The following CCDC6 variants were observed in gnomAD, a reference collection of about 807,000 sequenced individuals.
CCDC6 encodes coiled-coil domain-containing protein 6.
In CCDC6, 20 loss-of-function variants were observed where a neutral mutation model predicts 56.6. That is an observed-to-expected ratio of 0.35 (90% CI 0.25 to 0.51). CCDC6 has a LOEUF of 0.51. CCDC6 is among the 20% of genes least tolerant of loss of function. CCDC6 has a pLI of 0.95. For missense variants in CCDC6, 367 were observed against 601.1 expected (o/e 0.61, Z 4.07); for synonymous variants, 241 against 234.4 (o/e 1.03, Z -0.26).
At chr10:59,845,877 T>C (rs959726963) in intron 2 of CCDC6, among the ~76,000 whole-genome samples, 2 of 152,228 alleles carry the variant, frequency 1.3e-5, no homozygotes, top group African/African-American at 4.8e-5. Flanking sequence ...TTCATCTGAA[T>C]GGATGCAATG....
chr10:59,875,500 T>C (rs935075724), intron 1 of CCDC6, among the ~76,000 whole-genome samples: 3 of 152,198 alleles, frequency 2.0e-5, no homozygotes, highest in African/African-American at 7.2e-5. Flanking sequence ...AGACCTTTTT[T>C]ATGTTTCTAT....
intron 5 of CCDC6, among the ~76,000 whole-genome samples, chr10:59,808,193 C>A (rs914599814): frequency 2.0e-5 from 3 of 152,140 alleles, no homozygotes; most frequent in Non-Finnish European, 4.4e-5. Flanking sequence ...CTGACTAGCC[C>A]TGGCACTAGC....
chr10:59,794,338 T>C (rs1284617205), intron 8 of CCDC6, 135 bp downstream of exon 8: 4 of 833,196 alleles, frequency 4.8e-6, no homozygotes, highest in Non-Finnish European at 7.5e-6. Flanking sequence ...TTTAAGTCTC[T>C]ACAGTTTCAA....
intron 7 of CCDC6, among the ~76,000 whole-genome samples, chr10:59,799,896 G>C (rs1482050589): frequency 6.6e-6 from 1 of 152,164 alleles, no homozygotes; most frequent in Non-Finnish European, 1.5e-5. Context: ...TCATGAGGAT[G>C]AAAGGAGATA....
rs1362297570 is a variant in CCDC6 at position 59,893,435 on chromosome 10, C to CA, written c.303+12686dup. ...GCAACCATGTGAAACCATGTCTCTA[C>CA]AAAAAAAATCCAAGAAACAAATAGC... On this transcript the variant is annotated intron_variant, in intron 1 of 8. Coordinates refer to ENST00000263102, the MANE Select transcript of CCDC6 (RefSeq NM_005436.5). 6.6e-5 allele frequency among the ~76,000 whole-genome samples: 10 copies of CA among 151,812 alleles called. No individual in the cohort carries two copies. In the East Asian group the frequency reaches 1.2e-3, roughly 18 times the overall value.
chr10:59,843,454 G>C (rs2070960320), intron 2 of CCDC6, among the ~76,000 whole-genome samples: 1 of 152,154 alleles, frequency 6.6e-6, no homozygotes, highest in Admixed American at 6.5e-5. Flanking sequence ...AAAGTGATAT[G>C]TTTCCAGTTT....
At chr10:59,869,577 C>T (rs1233770346) in intron 1 of CCDC6, among the ~76,000 whole-genome samples, 6 of 151,964 alleles carry the variant, frequency 3.9e-5, no homozygotes, top group East Asian at 3.9e-4. Flanking sequence ...GTCTTTCTGG[C>T]CTTCTCATTG....
At chr10:59,867,483 C>T (rs929049247) in intron 1 of CCDC6, among the ~76,000 whole-genome samples, 5 of 152,202 alleles carry the variant, frequency 3.3e-5, no homozygotes, top group Non-Finnish European at 2.9e-5. Context: ...TATGATAAAA[C>T]CGCAGTCTCC....
intron 1 of CCDC6, among the ~76,000 whole-genome samples, chr10:59,872,402 T>C (rs914156953): frequency 5.3e-5 from 8 of 152,334 alleles, no homozygotes; most frequent in African/African-American, 1.9e-4. Context: ...GCTACAAAGC[T>C]GTGTCTGTTT....
intron 2 of CCDC6, among the ~76,000 whole-genome samples, chr10:59,850,814 G>C (rs1199340844): frequency 1.3e-5 from 2 of 151,994 alleles, no homozygotes; most frequent in African/African-American, 2.4e-5. Context: ...TCAATTTTAA[G>C]TTCAAGCCTT....
chr10:59,867,677 C>T lies in CCDC6; in HGVS notation c.304-14975G>A, dbSNP rs771744894. Among the ~76,000 whole-genome samples the T allele has an allele frequency of 1.9e-4, 29 of 152,136 alleles. 1 individual carries two copies. The highest frequency in any genetic ancestry group is 2.1e-4 in the South Asian group (1 of 4,824). On this transcript the variant is annotated intron_variant, in intron 1 of 8. Coordinates refer to ENST00000263102, the MANE Select transcript of CCDC6 (RefSeq NM_005436.5). Reference sequence around the variant, plus strand: ...TGAGTAATTTTCCCACCTCCGCCTCCGGAGTAGCTGGGACTACAGGTGCAT... The same window carrying T: ...TGAGTAATTTTCCCACCTCCGCCTCTGGAGTAGCTGGGACTACAGGTGCAT...
At chr10:59,887,881 C>A (rs2132680255) in intron 1 of CCDC6, among the ~76,000 whole-genome samples, 1 of 152,212 alleles carries the variant, frequency 6.6e-6, no homozygotes, top group South Asian at 2.1e-4. Context: ...TGTGAGGCCA[C>A]CTCCCTGGAA....
chr10:59,803,653 T>C (rs2070595127), intron 7 of CCDC6, among the ~76,000 whole-genome samples: 1 of 152,198 alleles, frequency 6.6e-6, no homozygotes, highest in South Asian at 2.1e-4. Context: ...ATCAGCTACT[T>C]GCCTCCCTGG....
At chr10:59,814,616 A>G (rs754936491) in intron 4 of CCDC6, 36 bp downstream of exon 4, 1 of 1,276,144 alleles carries the variant, frequency 7.8e-7, no homozygotes, top group Non-Finnish European at 1.1e-6. Flanking sequence ...ACACACACAC[A>G]CACACACCCA....
chr10:59,809,355 G>A (rs1164852670), intron 5 of CCDC6, among the ~76,000 whole-genome samples: 4 of 152,258 alleles, frequency 2.6e-5, no homozygotes, highest in South Asian at 2.1e-4. Flanking sequence ...CTTTAGCATC[G>A]GGGAACTCAG....
At chr10:59,818,495 C>CGGGGGGG (rs10605676) in intron 3 of CCDC6, among the ~76,000 whole-genome samples, 4 of 83,150 alleles carry the variant, frequency 4.8e-5, no homozygotes, top group East Asian at 4.8e-4. Flanking sequence ...ATAATGTTGA[C>CGGGGGGG]GGGGGGGGGG....
rs2071546908 is a variant in CCDC6, at chr10:59,906,332, C to G, written c.93G>C (p.Ser31=). 2.5e-6 allele frequency: 4 copies of G among 1,599,310 alleles called. No homozygotes were observed. The highest frequency in any genetic ancestry group is 1.7e-5 in the Admixed American group (1 of 59,884). The change falls in exon 1 of 9, where the codon TCG becomes TCC. Residue 31 remains serine, a synonymous_variant. Coordinates refer to ENST00000263102, the MANE Select transcript of CCDC6 (RefSeq NM_005436.5). The part of the protein sequence containing the change: ...AAMQSSCSST[S]GGGGGGGGGG... The stretch of plus-strand genomic sequence containing the variant: ...CTCCCCCGCCGCCACCGCCGCCGCC[C>G]GAGGTCGACGAGCAGGACGACTGCA...
rs370866307 is a variant in CCDC6, at chr10:59,870,805, C to T, written c.304-18103G>A. On this transcript the variant is annotated intron_variant, in intron 1 of 8. Coordinates refer to ENST00000263102, the MANE Select transcript of CCDC6 (RefSeq NM_005436.5). ...GGTCCCACCACAATGGCAAGGCTAACATCCCGCAAGATGGTACAGCTATGA... is the reference window on the plus strand; with the variant it reads ...GGTCCCACCACAATGGCAAGGCTAATATCCCGCAAGATGGTACAGCTATGA... 1.4e-3 allele frequency among the ~76,000 whole-genome samples: 217 copies of T among 152,344 alleles called. 7 individuals are homozygous for T. In the South Asian group the frequency reaches 0.044, roughly 31 times the overall value.
chr10:59,863,886 T>C (rs549716360), intron 1 of CCDC6, among the ~76,000 whole-genome samples: 1 of 152,324 alleles, frequency 6.6e-6, no homozygotes, highest in Admixed American at 6.5e-5. Context: ...AAATGGGGCA[T>C]ATCTAATACT....
Sources: allele counts gnomAD v4.1 joint callset (sites outside exome capture counted in the v4.1 genomes callset), GRCh38; gene constraint gnomAD v4.1.1; transcripts MANE v1.5; gene names NCBI Gene and HGNC (gene_info 2026-07-23, HGNC 2026-07-21).